Variants in CYP4Z1 observed in about 807,000 individuals in gnomAD.
CYP4Z1 encodes cytochrome P450 4Z1.
In CYP4Z1, 41 loss-of-function variants were observed where a neutral mutation model predicts 54.2. The ratio of observed to expected loss-of-function variants is 0.76; its 90% confidence interval spans 0.59 to 0.98. The LOEUF is 0.98. Ranked by LOEUF, CYP4Z1 falls within the 50% of genes least tolerant of loss-of-function variation. The pLI, the probability that CYP4Z1 is intolerant of heterozygous loss-of-function variation, is 0.00. For synonymous variants in CYP4Z1, 163 were observed against 206.2 expected (o/e 0.79, Z 1.79); for missense variants, 513 against 599.0 (o/e 0.86, Z 1.50).
intron 8 of CYP4Z1, among the ~76,000 whole-genome samples, chr1:47,104,855 C>T (rs1225495788): frequency 6.6e-6 from 1 of 151,968 alleles, no homozygotes; most frequent in Non-Finnish European, 1.5e-5. Context: ...CAAGAATGCT[C>T]AGATGAGAAT....
intron 7 of CYP4Z1, among the ~76,000 whole-genome samples, chr1:47,095,818 T>C (rs1003834216): frequency 4.9e-4 from 74 of 152,326 alleles, no homozygotes; most frequent in East Asian, 1.9e-4. Context: ...AATGGCACCA[T>C]GTGAACATAA....
chr1:47,101,037 TTA>T (rs1644717813), intron 8 of CYP4Z1, among the ~76,000 whole-genome samples: 2 of 152,212 alleles, frequency 1.3e-5, no homozygotes, highest in Admixed American at 6.5e-5. Flanking sequence ...TTCTAGTTTG[TTA>T]GTGTGCAGTT....
intron 8 of CYP4Z1, among the ~76,000 whole-genome samples, chr1:47,103,313 G>C (rs1040683451): frequency 7.3e-5 from 11 of 151,300 alleles, no homozygotes; most frequent in Non-Finnish European, 1.0e-4. Context: ...CCAAGTAGCT[G>C]GGATTACAGG....
At chr1:47,093,939 G>T (rs1322315324) in intron 6 of CYP4Z1, among the ~76,000 whole-genome samples, 1 of 152,174 alleles carries the variant, frequency 6.6e-6, no homozygotes, top group African/African-American at 2.4e-5. Flanking sequence ...TCCAGGCATA[G>T]AACTTTGTCA....
At chr1:47,057,335 A>AATATATATATATAT in the CYP4Z1 span, among the ~76,000 whole-genome samples, 2 of 28,484 alleles carry the variant, frequency 7.0e-5, no homozygotes, top group African/African-American at 9.1e-5. Flanking sequence ...AAGAAAAAAA[A>AATATATATATATAT]ATATATATAT....
chr1:47,083,747 C>A (rs1644572312), intron 4 of CYP4Z1, among the ~76,000 whole-genome samples: 1 of 152,136 alleles, frequency 6.6e-6, no homozygotes. Context: ...TCTAAGGCTC[C>A]TTCCTGATGA....
upstream of CYP4Z1, among the ~76,000 whole-genome samples, chr1:47,066,935 T>C (rs889672080): frequency 8.6e-5 from 13 of 151,744 alleles, no homozygotes; most frequent in African/African-American, 2.9e-4. Context: ...GTGACGATAA[T>C]GTGTCATTGT....
intron 8 of CYP4Z1, among the ~76,000 whole-genome samples, chr1:47,099,815 A>G (rs1355284657): frequency 6.6e-6 from 1 of 152,212 alleles, no homozygotes; most frequent in African/African-American, 2.4e-5. Flanking sequence ...ATGTTTTAAA[A>G]ACTTTAAAAT....
At position 47,073,781 on chromosome 1, in the gene CYP4Z1, G is replaced by A. The variant is rs535680640; in HGVS notation, c.319+5018G>A. ...AGATGTCTATTCAAGTCCTTTGCCC[G>A]TGATTAATTGGGCTGTCTTTTTATT... On this transcript the variant is annotated intron_variant, in intron 2 of 11. Coordinates refer to ENST00000334194, the MANE Select transcript of CYP4Z1 (RefSeq NM_178134.3). Among the ~76,000 whole-genome samples, 1,229 of 151,726 alleles carry A rather than the reference G, an allele frequency of 8.1e-3. 10 individuals are homozygous for A. Among genetic ancestry groups the A allele is most frequent in the South Asian group, 0.048 (231 of 4,786 alleles).
intron 11 of CYP4Z1, among the ~76,000 whole-genome samples, chr1:47,117,410 T>G (rs1644838211): frequency 1.3e-5 from 2 of 152,114 alleles, no homozygotes; most frequent in South Asian, 4.1e-4. Context: ...CTTACTTAAC[T>G]TAAAATAAAA....
At position 47,094,350 on chromosome 1, in the gene CYP4Z1, C is replaced by T. The variant is rs148488221; in HGVS notation, c.773-216C>T. Among the ~76,000 whole-genome samples the T allele has an allele frequency of 4.9e-3, 739 of 152,232 alleles. 7 individuals are homozygous for T. The highest frequency in any genetic ancestry group is 0.017 in the African/African-American group (693 of 41,512). On this transcript the variant is annotated intron_variant, in intron 6 of 11. Coordinates refer to ENST00000334194, the MANE Select transcript of CYP4Z1 (RefSeq NM_178134.3). Reference sequence around the variant, plus strand: ...AACCCTGTGTGATACATTTAAACATCCTTATTTGAAGGAAGAGAAATTGTG... The same window carrying T: ...AACCCTGTGTGATACATTTAAACATTCTTATTTGAAGGAAGAGAAATTGTG...
At chr1:47,110,874 A>C (rs1256949719) in intron 9 of CYP4Z1, among the ~76,000 whole-genome samples, 2 of 151,674 alleles carry the variant, frequency 1.3e-5, no homozygotes, top group African/African-American at 4.8e-5. Flanking sequence ...TCTCTGACCC[A>C]TGTTAAGAAA....
chr1:47,087,843 G>A (rs1168454437), intron 6 of CYP4Z1, among the ~76,000 whole-genome samples: 1 of 152,110 alleles, frequency 6.6e-6, no homozygotes, highest in African/African-American at 2.4e-5. Flanking sequence ...GTCATAAATA[G>A]CTCTTATTAT....
intron 7 of CYP4Z1, among the ~76,000 whole-genome samples, chr1:47,094,949 T>A (rs1207037012): frequency 6.6e-6 from 1 of 152,000 alleles, no homozygotes; most frequent in African/African-American, 2.4e-5. Flanking sequence ...TGGTAGAGCA[T>A]GACTCTGTCT....
chr1:47,079,156 A>C (rs1644545830), intron 2 of CYP4Z1, among the ~76,000 whole-genome samples: 1 of 152,178 alleles, frequency 6.6e-6, no homozygotes. Flanking sequence ...GAGAACAAGG[A>C]CCATTCTGCT....
At chr1:47,067,978 GTGT>G (rs1644462762) in intron 1 of CYP4Z1, among the ~76,000 whole-genome samples, 1 of 152,164 alleles carries the variant, frequency 6.6e-6, no homozygotes, top group Non-Finnish European at 1.5e-5. Context: ...AGGACTCTGG[GTGT>G]TCTAGAGAGA....
chr1:47,068,100 A>C (rs1323073396), intron 1 of CYP4Z1, among the ~76,000 whole-genome samples: 1 of 152,218 alleles, frequency 6.6e-6, no homozygotes, highest in Non-Finnish European at 1.5e-5. Context: ...TTGAAAGATG[A>C]GCAGCAACCA....
At chr1:47,102,174 T>C (rs1405155298) in intron 8 of CYP4Z1, among the ~76,000 whole-genome samples, 1 of 152,186 alleles carries the variant, frequency 6.6e-6, no homozygotes, top group African/African-American at 2.4e-5. Context: ...GTATACAGCA[T>C]ATAGTTGGGT....
At chr1:47,113,218 T>A (rs1199826241) in intron 9 of CYP4Z1, among the ~76,000 whole-genome samples, 2 of 152,226 alleles carry the variant, frequency 1.3e-5, no homozygotes, top group Non-Finnish European at 2.9e-5. Flanking sequence ...GTATTAAAGC[T>A]TGGCTTCATG....
Sources: gnomAD v4.1 joint callset for allele counts (sites outside exome capture counted in the v4.1 genomes callset) on GRCh38, gnomAD v4.1.1 for gene constraint, MANE v1.5 for transcripts, NCBI Gene and HGNC (gene_info 2026-07-23, HGNC 2026-07-21) for gene names.